Variants in HTR2C observed in about 807,000 individuals in gnomAD.
The protein encoded by HTR2C is 5-hydroxytryptamine receptor 2C.
In HTR2C, 5 loss-of-function variants were observed where a neutral mutation model predicts 21.0. The observed-to-expected ratio is 0.24, with a 90% CI of 0.12 to 0.50. The LOEUF (loss-of-function observed/expected upper bound fraction) is 0.50. Ranked by LOEUF, HTR2C falls within the 20% of genes least tolerant of loss-of-function variation. The probability of loss-of-function intolerance (pLI) is 0.98; values close to 1 mark genes in which losing one functional copy is unlikely to be tolerated. For missense variants in HTR2C, 271 were observed against 371.2 expected (o/e 0.73, Z 2.22); for synonymous variants, 150 against 145.3 (o/e 1.03, Z -0.23).
At position 114,908,230 on chromosome X, in the gene HTR2C, GGAAATGAGATCCCA is replaced by G. The variant is rs1365855019; in HGVS notation, c.*818_*831del. ...AATTCCTAATTCTATGATTAAACTGGGAAATGAGATCCCAGAGTTATTTCCCAACCCAGGATTCA... is the reference window on the plus strand; with the variant it reads ...AATTCCTAATTCTATGATTAAACTGGGAGTTATTTCCCAACCCAGGATTCA... On this transcript the variant is annotated 3_prime_UTR_variant, in exon 6 of 6. Coordinates refer to ENST00000276198, the MANE Select transcript of HTR2C (RefSeq NM_000868.4). 8.9e-6 allele frequency: 1 copy of G among 112,263 alleles called. No individual in the cohort carries two copies. Among genetic ancestry groups the G allele is most frequent in the Admixed American group, 9.5e-5 (1 of 10,545 alleles). The allele number at this position is 112,263 out of a possible 1,213,427, so 9.3% of individuals were successfully genotyped here.
intron 5 of HTR2C, among the ~76,000 whole-genome samples, chrX:114,861,325 A>G (rs1165996112): frequency 9.0e-6 from 1 of 111,327 alleles, no homozygotes; most frequent in East Asian, 2.8e-4. Context: ...TTCCAGGCTA[A>G]TCCATGTTGT....
At chrX:114,725,162 G>A (rs1331643917) in intron 2 of HTR2C, among the ~76,000 whole-genome samples, 1 of 111,313 alleles carries the variant, frequency 9.0e-6, no homozygotes, top group East Asian at 2.8e-4. Context: ...CCAATCAGAG[G>A]TAGATTTGGT....
chrX:114,696,310 C>G (rs1932274418), intron 2 of HTR2C, among the ~76,000 whole-genome samples: 1 of 111,335 alleles, frequency 9.0e-6, no homozygotes, highest in Non-Finnish European at 1.9e-5. Context: ...TTAGGCTATG[C>G]CTATATCTGT....
intron 5 of HTR2C, among the ~76,000 whole-genome samples, chrX:114,881,665 T>C (rs1236371132): frequency 9.0e-6 from 1 of 110,724 alleles, no homozygotes; most frequent in Non-Finnish European, 1.9e-5. Context: ...ATGTGTTTAC[T>C]TGTAGCCTCT....
At chrX:114,655,938 T>TC (rs2147838031) in intron 2 of HTR2C, among the ~76,000 whole-genome samples, 1 of 111,560 alleles carries the variant, frequency 9.0e-6, no homozygotes, top group Admixed American at 9.6e-5. Context: ...GCTTGCATGG[T>TC]AATTTCAGCC....
chrX:114,606,770 C>T (rs886930557), intron 1 of HTR2C, among the ~76,000 whole-genome samples: 3 of 111,483 alleles, frequency 2.7e-5, no homozygotes, highest in Non-Finnish European at 5.6e-5. Context: ...GGAGGTACCC[C>T]GATCCAAGTC....
chrX:114,902,954 A>C (rs782651990), intron 5 of HTR2C, among the ~76,000 whole-genome samples: 1 of 112,054 alleles, frequency 8.9e-6, no homozygotes, highest in South Asian at 3.7e-4. Context: ...TGACAGAAAG[A>C]AAGCTAGATT....
intron 1 of HTR2C, among the ~76,000 whole-genome samples, chrX:114,607,858 C>T (rs953882437): frequency 2.5e-4 from 27 of 110,176 alleles, no homozygotes; most frequent in Non-Finnish European, 3.2e-4. Context: ...CATGGTGGTG[C>T]GTGCCTGTAA....
intron 2 of HTR2C, among the ~76,000 whole-genome samples, chrX:114,706,748 G>T (rs12560193): frequency 1.8e-5 from 2 of 108,659 alleles, no homozygotes; most frequent in African/African-American, 6.7e-5. Context: ...AATGAAAAAA[G>T]TATGGTCTAT....
chrX:114,827,763 G>A (rs146061537), intron 4 of HTR2C, among the ~76,000 whole-genome samples: 512 of 111,221 alleles, frequency 4.6e-3, no homozygotes, highest in Middle Eastern at 0.014. Context: ...CACTGGATAT[G>A]GAATTTTGAA....
chrX:114,607,450 G>A (rs1194802236), intron 1 of HTR2C, among the ~76,000 whole-genome samples: 1 of 111,749 alleles, frequency 8.9e-6, no homozygotes, highest in East Asian at 2.8e-4. Context: ...CTCAATGGAA[G>A]AGTATGCATC....
At chrX:114,703,550 C>T (rs1932636902) in intron 2 of HTR2C, among the ~76,000 whole-genome samples, 1 of 111,722 alleles carries the variant, frequency 9.0e-6, no homozygotes, top group Non-Finnish European at 1.9e-5. Context: ...CTCTGGGACG[C>T]TTTCAAAGCA....
intron 1 of HTR2C, among the ~76,000 whole-genome samples, chrX:114,593,565 C>T (rs1927716327): frequency 2.7e-5 from 3 of 111,446 alleles, no homozygotes; most frequent in African/African-American, 9.8e-5. Context: ...GTTTATACTC[C>T]CCAGCTACCG....
intron 2 of HTR2C, among the ~76,000 whole-genome samples, chrX:114,662,316 A>G (rs2147842530): frequency 9.0e-6 from 1 of 111,280 alleles, no homozygotes; most frequent in East Asian, 2.8e-4. Flanking sequence ...AAGAAACTAT[A>G]AAATTCAGTA....
intron 4 of HTR2C, chrX:114,774,940 C>T (rs781976543): frequency 1.7e-5 from 9 of 530,538 alleles, no homozygotes; most frequent in South Asian, 1.2e-4. Context: ...ACTCTGGTAC[C>T]GCTTGCTAAT....
intron 5 of HTR2C, among the ~76,000 whole-genome samples, chrX:114,882,237 T>C (rs1207144206): frequency 9.0e-6 from 1 of 111,046 alleles, no homozygotes; most frequent in Admixed American, 9.6e-5. Context: ...TTAGTTCTAA[T>C]ACTTTTTAAG....
At chrX:114,682,976 G>T (rs782638596) in intron 2 of HTR2C, among the ~76,000 whole-genome samples, 99 of 111,268 alleles carry the variant, frequency 8.9e-4, no homozygotes, top group African/African-American at 3.2e-3. Context: ...TGGAAAATAG[G>T]TACCCATATT....
chrX:114,775,731 G>A, intron 4 of HTR2C: 1 of 580,485 alleles, frequency 1.7e-6, no homozygotes, highest in Non-Finnish European at 2.8e-6. Context: ...AAGATGTCTT[G>A]GAGAAGCTTC....
intron 2 of HTR2C, among the ~76,000 whole-genome samples, chrX:114,618,075 T>C (rs1929018287): frequency 8.9e-6 from 1 of 112,220 alleles, no homozygotes; most frequent in African/African-American, 3.2e-5. Context: ...CCTTTATAAT[T>C]ATCAGTTGAA....
Sources: gnomAD v4.1 joint callset for allele counts (sites outside exome capture counted in the v4.1 genomes callset) on GRCh38, gnomAD v4.1.1 for gene constraint, MANE v1.5 for transcripts, NCBI Gene and HGNC (gene_info 2026-07-23, HGNC 2026-07-21) for gene names.